ASIC2: variants seen among roughly 807,000 people sequenced by gnomAD.
ASIC2 encodes acid sensing ion channel subunit 2, also known as acid-sensing ion channel 2.
ASIC2 carries 25 observed loss-of-function variants against 57.3 expected under a neutral mutation model. The observed-to-expected ratio is 0.44, with a 90% confidence interval of 0.32 to 0.61. The LOEUF is 0.61. ASIC2 is among the 20% of genes least tolerant of loss of function. ASIC2 has a pLI of 0.06. For synonymous variants in ASIC2, 319 were observed against 307.5 expected, an observed-to-expected ratio of 1.04 and a Z score of -0.39; for missense variants, 641 against 738.1, an observed-to-expected ratio of 0.87 and a Z score of 1.52.
intron 1 of ASIC2, among the ~76,000 whole-genome samples, chr17:33,778,787 T>C (rs1236322228): frequency 6.6e-6 from 1 of 152,212 alleles, no homozygotes; most frequent in African/African-American, 2.4e-5. Flanking sequence ...TTAAGTGAGA[T>C]AATGTCTAGA....
chr17:33,403,348 A>G (rs550436455), intron 1 of ASIC2, among the ~76,000 whole-genome samples: 1 of 152,290 alleles, frequency 6.6e-6, no homozygotes, highest in Non-Finnish European at 1.5e-5. Flanking sequence ...CCTTCTCCTC[A>G]GTCAGAATTA....
intron 1 of ASIC2, among the ~76,000 whole-genome samples, chr17:33,977,851 A>G (rs1905452504): frequency 6.6e-6 from 1 of 152,212 alleles, no homozygotes; most frequent in Non-Finnish European, 1.5e-5. Flanking sequence ...GCACCCTGTG[A>G]GCAGACTGGA....
chr17:33,331,601 C>A (rs965396456), intron 1 of ASIC2, among the ~76,000 whole-genome samples: 2 of 152,202 alleles, frequency 1.3e-5, no homozygotes, highest in African/African-American at 4.8e-5. Flanking sequence ...CACTTCTGCA[C>A]AGGTCTGTGT....
chr17:33,462,190 T>C (rs983986236), intron 1 of ASIC2, among the ~76,000 whole-genome samples: 1 of 152,196 alleles, frequency 6.6e-6, no homozygotes, highest in Non-Finnish European at 1.5e-5. Flanking sequence ...TGAATCACTG[T>C]GGCAGATACT....
At chr17:33,298,557 T>C (rs1315597564) in intron 1 of ASIC2, among the ~76,000 whole-genome samples, 1 of 152,228 alleles carries the variant, frequency 6.6e-6, no homozygotes, top group Non-Finnish European at 1.5e-5. Flanking sequence ...GCAATAAACA[T>C]ACGTGTGCAT....
intron 1 of ASIC2, among the ~76,000 whole-genome samples, chr17:33,226,917 A>C (rs1200619065): frequency 6.6e-6 from 1 of 152,256 alleles, no homozygotes; most frequent in Non-Finnish European, 1.5e-5. Flanking sequence ...CACTCATTAC[A>C]TCCAAAGTAA....
intron 1 of ASIC2, among the ~76,000 whole-genome samples, chr17:33,795,779 C>T (rs891577599): frequency 6.6e-6 from 1 of 152,220 alleles, no homozygotes; most frequent in Non-Finnish European, 1.5e-5. Context: ...CTAAGAAAGC[C>T]TAAGTTCTTG....
At chr17:33,343,936 G>A (rs1907839519) in intron 1 of ASIC2, among the ~76,000 whole-genome samples, 1 of 152,212 alleles carries the variant, frequency 6.6e-6, no homozygotes, top group Non-Finnish European at 1.5e-5. Flanking sequence ...CCTGTGTCTT[G>A]CAAATATTCA....
intron 1 of ASIC2, among the ~76,000 whole-genome samples, chr17:33,485,334 C>A (rs902716365): frequency 1.3e-5 from 2 of 152,192 alleles, no homozygotes; most frequent in Non-Finnish European, 2.9e-5. Context: ...AAGCCAATAG[C>A]CAGTGAGAAT....
intron 1 of ASIC2, among the ~76,000 whole-genome samples, chr17:33,593,034 T>C (rs1904871747): frequency 6.6e-6 from 1 of 152,210 alleles, no homozygotes; most frequent in African/African-American, 2.4e-5. Context: ...TGTATGTCTA[T>C]TTTTACCTGC....
rs539594683 is a variant in ASIC2 at position 33,206,639 on chromosome 17, C to T, written c.708+84769G>A. On this transcript the variant is annotated intron_variant, in intron 1 of 9. Coordinates refer to ENST00000225823, the MANE Select transcript of ASIC2 (RefSeq NM_183377.2). ...CCAGACAAGCACTCAGCTGTGTGTC[C>T]AAACCAAGGCAGAGTATCCTTCCAT... 2.6e-3 allele frequency among the ~76,000 whole-genome samples: 400 copies of T among 152,222 alleles called. 3 individuals carry two copies. Among genetic ancestry groups the T allele is most frequent in the African/African-American group, 9.3e-3 (385 of 41,542 alleles).
intron 1 of ASIC2, among the ~76,000 whole-genome samples, chr17:34,105,809 A>G (rs1158476380): frequency 6.6e-6 from 1 of 152,064 alleles, no homozygotes; most frequent in Non-Finnish European, 1.5e-5. Flanking sequence ...GGTGATTTAT[A>G]TATATTGTAG....
intron 1 of ASIC2, among the ~76,000 whole-genome samples, chr17:33,455,109 T>C (rs567818257): frequency 6.6e-6 from 1 of 152,382 alleles, no homozygotes; most frequent in Non-Finnish European, 1.5e-5. Flanking sequence ...TGTATACAGG[T>C]ATCCTAATGT....
intron 1 of ASIC2, among the ~76,000 whole-genome samples, chr17:33,668,272 CTT>C (rs397856474): frequency 0.055 from 3,391 of 61,474 alleles, 158 homozygotes; most frequent in African/African-American, 0.14. Flanking sequence ...ATCAAATGTT[CTT>C]TTTTTTTTTT....
At chr17:33,555,021 T>A (rs1040489609) in intron 1 of ASIC2, among the ~76,000 whole-genome samples, 6 of 152,110 alleles carry the variant, frequency 3.9e-5, no homozygotes, top group African/African-American at 1.4e-4. Context: ...TTCTAGGTGA[T>A]CAGTAAAAAG....
chr17:33,405,001 T>A (rs550665073), intron 1 of ASIC2, among the ~76,000 whole-genome samples: 2 of 152,256 alleles, frequency 1.3e-5, no homozygotes, highest in Non-Finnish European at 1.5e-5. Context: ...TGGCTTATTT[T>A]TTTTTTTTTC....
At chr17:33,781,402 A>G (rs16968891) in intron 1 of ASIC2, among the ~76,000 whole-genome samples, 6,962 of 152,194 alleles carry the variant, frequency 0.046, 359 homozygotes, top group African/African-American at 0.13. Context: ...TGTCTCTAAC[A>G]TTGGTCTTGA....
At chr17:33,711,631 C>A (rs564345925) in intron 1 of ASIC2, among the ~76,000 whole-genome samples, 2 of 151,952 alleles carry the variant, frequency 1.3e-5, no homozygotes. Flanking sequence ...ACAATCGTGG[C>A]GGAAGGTGAA....
At chr17:33,968,372 A>G (rs1426339000) in intron 1 of ASIC2, among the ~76,000 whole-genome samples, 1 of 152,208 alleles carries the variant, frequency 6.6e-6, no homozygotes, top group Non-Finnish European at 1.5e-5. Flanking sequence ...CCCGCCTGCA[A>G]CTGTGTTCTG....
Sources: allele counts gnomAD v4.1 joint callset (sites outside exome capture counted in the v4.1 genomes callset), GRCh38; gene constraint gnomAD v4.1.1; transcripts MANE v1.5; gene names NCBI Gene and HGNC (gene_info 2026-07-23, HGNC 2026-07-21).